The following RPS6KC1 variants were observed in gnomAD, a reference collection of about 807,000 sequenced individuals.
RPS6KC1 encodes the protein inactive ribosomal protein S6 kinase delta-1.
A neutral mutation model predicts 103.8 loss-of-function variants in RPS6KC1; 54 were observed. The ratio of observed to expected loss-of-function variants is 0.52; its 90% CI spans 0.42 to 0.65. The LOEUF (loss-of-function observed/expected upper bound fraction) is 0.65. Among genes scored for constraint, RPS6KC1 ranks in the 30% least tolerant of loss-of-function variants. The pLI is 0.00. For missense variants in RPS6KC1, 1,151 were observed against 1,253.8 expected (o/e 0.92, Z 1.24); for synonymous variants, 439 against 438.7 (o/e 1.00, Z -0.01).
the RPS6KC1 span, among the ~76,000 whole-genome samples, chr1:213,353,472 G>A: frequency 6.6e-6 from 1 of 152,234 alleles, no homozygotes; most frequent in Non-Finnish European, 1.5e-5. Flanking sequence ...AGTAGGTGCT[G>A]AAACAGAGAT....
chr1:213,651,388 TAAC>T, the RPS6KC1 span, among the ~76,000 whole-genome samples: 1 of 152,158 alleles, frequency 6.6e-6, no homozygotes, highest in Non-Finnish European at 1.5e-5. Flanking sequence ...TAAACAATGA[TAAC>T]AAAGACAACT....
the RPS6KC1 span, among the ~76,000 whole-genome samples, chr1:213,497,642 A>G: frequency 1.3e-5 from 2 of 152,200 alleles, no homozygotes; most frequent in South Asian, 2.1e-4. Context: ...ATAAATGAAC[A>G]GTATTTTAGC....
At chr1:213,053,640 G>C (rs1298499492) in intron 1 of RPS6KC1, among the ~76,000 whole-genome samples, 1 of 152,152 alleles carries the variant, frequency 6.6e-6, no homozygotes, top group Non-Finnish European at 1.5e-5. Context: ...CAAGAGATTG[G>C]GGAATATGTA....
At chr1:213,188,686 A>G (rs940125177) in intron 8 of RPS6KC1, among the ~76,000 whole-genome samples, 11 of 152,202 alleles carry the variant, frequency 7.2e-5, no homozygotes, top group Admixed American at 5.2e-4. Context: ...AGGAGCTTTT[A>G]TGCTGTAAAC....
chr1:213,700,710 TG>T, the RPS6KC1 span, among the ~76,000 whole-genome samples: 1 of 152,102 alleles, frequency 6.6e-6, no homozygotes, highest in African/African-American at 2.4e-5. Context: ...TTCCAGTTTT[TG>T]GTACCCTCTT....
At chr1:213,428,098 C>G in the RPS6KC1 span, among the ~76,000 whole-genome samples, 1 of 152,162 alleles carries the variant, frequency 6.6e-6, no homozygotes, top group African/African-American at 2.4e-5. Context: ...GTGACTTCCT[C>G]TCTCAGGGAG....
intron 3 of RPS6KC1, among the ~76,000 whole-genome samples, chr1:213,090,916 TACA>T (rs928554810): frequency 6.6e-6 from 1 of 152,252 alleles, no homozygotes; most frequent in African/African-American, 2.4e-5. Context: ...TTTATGTTTT[TACA>T]AATCTCTAAT....
At chr1:213,392,906 G>A in the RPS6KC1 span, among the ~76,000 whole-genome samples, 2 of 152,228 alleles carry the variant, frequency 1.3e-5, no homozygotes, top group African/African-American at 4.8e-5. Context: ...GGATGTTGGT[G>A]TATGAGAGGG....
At chr1:213,817,795 A>AT in the RPS6KC1 span, 2 of 146,214 alleles carry the variant, frequency 1.4e-5, no homozygotes, top group African/African-American at 5.4e-5. Context: ...CAGATATTAC[A>AT]GTTTTTTTTT....
the RPS6KC1 span, among the ~76,000 whole-genome samples, chr1:213,663,274 A>T: frequency 4.9e-3 from 742 of 152,232 alleles, 7 homozygotes; most frequent in African/African-American, 0.017. Context: ...TGACTTGCAA[A>T]CCTCTGTATC....
At chr1:213,675,884 T>C in the RPS6KC1 span, among the ~76,000 whole-genome samples, 7 of 124 alleles carry the variant, frequency 0.056, no homozygotes, top group East Asian at 0.35. Flanking sequence ...CTGAAAGAAT[T>C]TTTTTTAAAA....
At chr1:213,787,667 TG>T in the RPS6KC1 span, among the ~76,000 whole-genome samples, 1 of 152,000 alleles carries the variant, frequency 6.6e-6, no homozygotes. Flanking sequence ...TGGGATTTAT[TG>T]GGGGGAGGGA....
chr1:213,229,457 C>T (rs574211483), intron 8 of RPS6KC1, among the ~76,000 whole-genome samples: 216 of 152,130 alleles, frequency 1.4e-3, no homozygotes, highest in Middle Eastern at 3.4e-3. Context: ...AGTACAAATC[C>T]TCCTCCCATG....
At chr1:213,219,626 T>C (rs1328424916) in intron 8 of RPS6KC1, among the ~76,000 whole-genome samples, 1 of 151,996 alleles carries the variant, frequency 6.6e-6, no homozygotes, top group East Asian at 1.9e-4. Context: ...CCAACAACAA[T>C]AGACTGGATT....
At chr1:213,427,644 G>T in the RPS6KC1 span, among the ~76,000 whole-genome samples, 40 of 152,104 alleles carry the variant, frequency 2.6e-4, no homozygotes, top group African/African-American at 9.2e-4. Flanking sequence ...CTAAATACTT[G>T]GTTGAAAAAT....
the RPS6KC1 span, among the ~76,000 whole-genome samples, chr1:213,325,322 A>G: frequency 6.6e-6 from 1 of 152,176 alleles, no homozygotes; most frequent in Non-Finnish European, 1.5e-5. Flanking sequence ...GCTTGGTGCT[A>G]ACTACAGCTG....
At chr1:213,205,145 A>G (rs1477858067) in intron 8 of RPS6KC1, 6 of 523,002 alleles carry the variant, frequency 1.1e-5, no homozygotes, top group East Asian at 3.0e-4. Flanking sequence ...TGCTTAATCC[A>G]TTAAATTTTT....
intron 3 of RPS6KC1, among the ~76,000 whole-genome samples, chr1:213,086,617 C>G (rs1032008189): frequency 6.6e-6 from 1 of 152,144 alleles, no homozygotes; most frequent in African/African-American, 2.4e-5. Context: ...ATAAGACTCC[C>G]TATTTAAATT....
At chr1:213,605,071 C>T in the RPS6KC1 span, among the ~76,000 whole-genome samples, 1 of 152,138 alleles carries the variant, frequency 6.6e-6, no homozygotes, top group African/African-American at 2.4e-5. Flanking sequence ...CAGGTCTTTG[C>T]TTTGATCAGA....
Sources: gnomAD v4.1 joint callset for allele counts (sites outside exome capture counted in the v4.1 genomes callset) on GRCh38, gnomAD v4.1.1 for gene constraint, MANE v1.5 for transcripts, NCBI Gene and HGNC (gene_info 2026-07-23, HGNC 2026-07-21) for gene names.